The following PIBF1 variants were observed in gnomAD, a reference collection of about 807,000 sequenced individuals.
PIBF1 encodes progesterone immunomodulatory binding factor 1, also known as progesterone-induced-blocking factor 1.
Under a neutral mutation model 112.5 loss-of-function variants are expected in PIBF1, and 90 were observed. The observed-to-expected ratio is 0.80, with a 90% CI of 0.67 to 0.95. PIBF1 has a LOEUF of 0.95. PIBF1 is among the 40% of genes least tolerant of loss of function. The pLI is 0.00. For synonymous variants in PIBF1, 301 were observed against 288.6 expected, an observed-to-expected ratio of 1.04 and a Z score of -0.44; for missense variants, 915 against 852.3, an observed-to-expected ratio of 1.07 and a Z score of -0.92.
At chr13:72,800,130 C>T (rs1267869116) in intron 5 of PIBF1, among the ~76,000 whole-genome samples, 1 of 152,220 alleles carries the variant, frequency 6.6e-6, no homozygotes, top group African/African-American at 2.4e-5. Flanking sequence ...CCACCTCCTG[C>T]GTTCAAGTGA....
intron 15 of PIBF1, among the ~76,000 whole-genome samples, chr13:72,972,008 ATT>A (rs1209699655): frequency 5.2e-5 from 2 of 38,354 alleles, no homozygotes; most frequent in East Asian, 1.5e-3. Context: ...GCTTTCATTT[ATT>A]TATTTATTTA....
chr13:72,972,837 AG>A (rs1490036642), intron 15 of PIBF1, among the ~76,000 whole-genome samples: 1 of 152,194 alleles, frequency 6.6e-6, no homozygotes, highest in Non-Finnish European at 1.5e-5. Context: ...AGTTTATCAC[AG>A]ACTAAATACC....
intron 9 of PIBF1, among the ~76,000 whole-genome samples, chr13:72,844,789 A>ACACACACGCG (rs1555296220): frequency 8.4e-6 from 1 of 119,562 alleles, no homozygotes; most frequent in African/African-American, 3.8e-5. Context: ...ACACACACAC[A>ACACACACGCG]CACACACACA....
chr13:72,815,688 C>G (rs2036234051), intron 5 of PIBF1, among the ~76,000 whole-genome samples: 1 of 152,082 alleles, frequency 6.6e-6, no homozygotes, highest in Non-Finnish European at 1.5e-5. Context: ...TATTTCCAGA[C>G]AAGGTCTCAG....
chr13:72,818,090 T>G (rs916591607), intron 5 of PIBF1, among the ~76,000 whole-genome samples: 1 of 152,040 alleles, frequency 6.6e-6, no homozygotes, highest in Non-Finnish European at 1.5e-5. Context: ...ACTATGTATA[T>G]AACATTAATA....
At chr13:72,976,012 A>G (rs1026850670) in intron 16 of PIBF1, among the ~76,000 whole-genome samples, 5 of 152,208 alleles carry the variant, frequency 3.3e-5, no homozygotes, top group African/African-American at 1.2e-4. Flanking sequence ...AGCAGTTCCA[A>G]CACTTGGAAT....
At chr13:72,949,338 CAG>C (rs1168033782) in intron 14 of PIBF1, among the ~76,000 whole-genome samples, 4 of 87,262 alleles carry the variant, frequency 4.6e-5, no homozygotes, top group East Asian at 3.5e-4. Flanking sequence ...TTTTTTGAGA[CAG>C]AGTCTCGCTC....
At chr13:72,817,915 G>A (rs547818669) in intron 5 of PIBF1, among the ~76,000 whole-genome samples, 15 of 152,104 alleles carry the variant, frequency 9.9e-5, no homozygotes, top group South Asian at 2.1e-4. Context: ...TTCAAAATAC[G>A]AAAGTAATAA....
intron 2 of PIBF1, among the ~76,000 whole-genome samples, chr13:72,785,019 C>T (rs1323443469): frequency 3.5e-4 from 53 of 152,002 alleles, no homozygotes. Context: ...ATTACAAGTG[C>T]TCCCCACCAT....
At chr13:72,858,957 A>T (rs180784086) in intron 10 of PIBF1, among the ~76,000 whole-genome samples, 49 of 152,318 alleles carry the variant, frequency 3.2e-4, no homozygotes, top group Admixed American at 1.2e-3. Flanking sequence ...TTGATAAATT[A>T]TACTCTAATA....
chr13:72,904,433 C>CTTTTTTTTTTTTT (rs71099767), intron 11 of PIBF1, among the ~76,000 whole-genome samples: 592 of 36,548 alleles, frequency 0.016, 159 homozygotes, highest in African/African-American at 0.044. Context: ...CAAAATATTT[C>CTTTTTTTTTTTTT]TTTTTTTTTT....
At chr13:72,962,927 G>A (rs2042644147) in intron 14 of PIBF1, among the ~76,000 whole-genome samples, 1 of 152,136 alleles carries the variant, frequency 6.6e-6, no homozygotes, top group African/African-American at 2.4e-5. Flanking sequence ...CTAGAATAAG[G>A]ATGGACATAA....
intron 5 of PIBF1, among the ~76,000 whole-genome samples, chr13:72,816,489 C>A (rs545280087): frequency 5.4e-4 from 82 of 151,954 alleles, no homozygotes; most frequent in African/African-American, 1.9e-3. Context: ...ATGGCAAAAC[C>A]CTTTCTCTAC....
chr13:73,013,120 T>A (rs1232084942), intron 17 of PIBF1, among the ~76,000 whole-genome samples: 2 of 150,974 alleles, frequency 1.3e-5, no homozygotes, highest in East Asian at 3.9e-4. Context: ...GCTAACACGG[T>A]GAAACCCCGT....
At chr13:72,988,500 T>C (rs2043376286) in intron 16 of PIBF1, among the ~76,000 whole-genome samples, 1 of 152,158 alleles carries the variant, frequency 6.6e-6, no homozygotes. Flanking sequence ...AAAATCTGTT[T>C]TGTCCTTTAT....
rs866015988 is a variant in PIBF1 at position 72,795,302 on chromosome 13, G to A, written c.354-57G>A. On this transcript the variant is annotated intron_variant, in intron 3 of 17. Coordinates refer to ENST00000326291, the MANE Select transcript of PIBF1 (RefSeq NM_006346.4). ...TGTTGATATAAATAGGAAACTGTGAGAAAATTAGATCTCAAATACTTTTTT... is the reference window on the plus strand; with the variant it reads ...TGTTGATATAAATAGGAAACTGTGAAAAAATTAGATCTCAAATACTTTTTT... 109 of 1,100,932 alleles carry A rather than the reference G, an allele frequency of 9.9e-5. 1 individual carries two copies. In the South Asian group the frequency reaches 1.3e-3, roughly 14 times the overall value. The allele number at this position is 1,100,932 out of a possible 1,614,324, so 68.2% of individuals were successfully genotyped here. A position where few individuals can be genotyped will look rare whatever the true frequency, so the allele number is the denominator to read the frequency against.
intron 16 of PIBF1, among the ~76,000 whole-genome samples, chr13:72,989,507 G>A (rs1468376322): frequency 6.6e-6 from 1 of 152,198 alleles, no homozygotes; most frequent in Non-Finnish European, 1.5e-5. Context: ...TGATTCCACT[G>A]ATGTGAACTG....
intron 16 of PIBF1, among the ~76,000 whole-genome samples, chr13:72,998,230 A>C (rs988062129): frequency 2.0e-5 from 3 of 152,216 alleles, no homozygotes; most frequent in African/African-American, 7.2e-5. Flanking sequence ...ATATATGTGG[A>C]GCATCTACAG....
rs144324968 is a variant in PIBF1, at chr13:72,789,525, C to G, written c.253-2922C>G. Among the ~76,000 whole-genome samples the G allele has an allele frequency of 2.8e-3, 431 of 152,156 alleles. 2 individuals are homozygous for G. The highest frequency in any genetic ancestry group is 9.8e-3 in the African/African-American group (405 of 41,510). Reference sequence around the variant, plus strand: ...AATGCCCCAAACTCTTTTTATTTATCTCTCATTAGAGATCTGTGGGTTCCT... The same window carrying G: ...AATGCCCCAAACTCTTTTTATTTATGTCTCATTAGAGATCTGTGGGTTCCT... On this transcript the variant is annotated intron_variant, in intron 2 of 17. Coordinates refer to ENST00000326291, the MANE Select transcript of PIBF1 (RefSeq NM_006346.4).
Sources: allele counts gnomAD v4.1 joint callset (sites outside exome capture counted in the v4.1 genomes callset), GRCh38; gene constraint gnomAD v4.1.1; transcripts MANE v1.5; gene names NCBI Gene and HGNC (gene_info 2026-07-23, HGNC 2026-07-21).